MAP2K5: variants seen among roughly 807,000 people sequenced by gnomAD.
MAP2K5 encodes dual specificity mitogen-activated protein kinase kinase 5.
In MAP2K5, 49 loss-of-function variants were observed where a neutral mutation model predicts 83.1. That is an observed-to-expected ratio of 0.59 (90% confidence interval 0.47 to 0.75). The LOEUF (loss-of-function observed/expected upper bound fraction) is 0.75. MAP2K5 is among the 30% of genes least tolerant of loss of function. The pLI is 0.00. For synonymous variants in MAP2K5, 202 were observed against 191.8 expected, an observed-to-expected ratio of 1.05 and a Z score of -0.44; for missense variants, 457 against 557.5, an observed-to-expected ratio of 0.82 and a Z score of 1.82.
In MAP2K5 at chr15:67,677,879, C is replaced by A. The variant is rs1342339288; in HGVS notation, c.847+13234C>A. On this transcript the variant is annotated intron_variant, in intron 13 of 21. Transcript: ENST00000178640. This position sits in a 1 kb window ranked among gnomAD's most constrained non-coding sequence, Gnocchi z 4.2. ...GCCTTTATTGAAGAAGGAAAGGGCA[C>A]GTTTGTTGCCTCCATTCTGAACCGA... Among the ~76,000 whole-genome samples, 3 of 152,202 alleles carry A rather than the reference C, an allele frequency of 2.0e-5. No individual in the cohort carries two copies. The highest frequency in any genetic ancestry group is 4.4e-5 in the Non-Finnish European group (3 of 68,036).
At position 67,746,207 on chromosome 15, in the gene MAP2K5, A is replaced by G. The variant is rs779652993; in HGVS notation, c.1075-2024A>G. Among the ~76,000 whole-genome samples the G allele has an allele frequency of 1.3e-5, 2 of 152,166 alleles. No individual in the cohort carries two copies. Among genetic ancestry groups the G allele is most frequent in the Admixed American group, 1.3e-4 (2 of 15,280 alleles). On this transcript the variant is annotated intron_variant, in intron 17 of 21. Coordinates refer to ENST00000178640, the MANE Select transcript of MAP2K5 (RefSeq NM_145160.3). This position sits in a 1 kb window ranked among gnomAD's most constrained non-coding sequence, Gnocchi z 4.1. ...TCAGTTAATCTGATTCACACAACTC[A>G]TATGTTTCTGGGGACAGTGTTTCAT... is the stretch of plus-strand genomic sequence containing the variant.
intron 21 of MAP2K5, among the ~76,000 whole-genome samples, chr15:67,787,534 A>G (rs2090440766): frequency 6.6e-6 from 1 of 152,240 alleles, no homozygotes; most frequent in South Asian, 2.1e-4. Flanking sequence ...TAATGAGGTT[A>G]TGACCAAATG....
chr15:67,562,364 T>C lies in MAP2K5; in HGVS notation c.185-919T>C, dbSNP rs1157857514. On this transcript the variant is annotated intron_variant, in intron 2 of 21. Coordinates refer to ENST00000178640, the MANE Select transcript of MAP2K5 (RefSeq NM_145160.3). The surrounding 1 kb of genome is among the most constrained non-coding windows in gnomAD (Gnocchi z 4.1). ...CAACAATTTCATTTTGGGTTAAAAA[T>C]GAGATTTAATATTCTCACATAGTCT... Among the ~76,000 whole-genome samples, 1 of 152,230 alleles carries C rather than the reference T, an allele frequency of 6.6e-6. No homozygotes were observed. Among genetic ancestry groups the C allele is most frequent in the Non-Finnish European group, 1.5e-5 (1 of 68,030 alleles).
chr15:67,560,812 G>A (rs1431745563), intron 2 of MAP2K5, among the ~76,000 whole-genome samples: 1 of 152,198 alleles, frequency 6.6e-6, no homozygotes, highest in African/African-American at 2.4e-5. Context: ...TTTGGTTTAA[G>A]TAGCCTTAAA....
At chr15:67,726,205 T>C (rs2089093142) in intron 16 of MAP2K5, among the ~76,000 whole-genome samples, 1 of 152,200 alleles carries the variant, frequency 6.6e-6, no homozygotes, top group South Asian at 2.1e-4. Flanking sequence ...TATATACACA[T>C]ACACACAAGC....
Position 67,665,206 on chromosome 15 carries a change from T to G in MAP2K5, c.847+561T>G, listed in dbSNP as rs962430881. On this transcript the variant is annotated intron_variant, in intron 13 of 21. Transcript: ENST00000178640. The surrounding 1 kb of genome is among the most constrained non-coding windows in gnomAD (Gnocchi z 4.2). ...AAAAGTAAAACTTTAAATAAGTTAT[T>G]GGTGAAAGCATCAGGAATAGTCCCC... Among the ~76,000 whole-genome samples, 4 of 152,086 alleles carry G rather than the reference T, an allele frequency of 2.6e-5. No individual in the cohort carries two copies. Among genetic ancestry groups the G allele is most frequent in the Non-Finnish European group, 4.4e-5 (3 of 68,014 alleles).
Position 67,770,187 on chromosome 15 carries a change from A to G in MAP2K5, c.1196+524A>G, listed in dbSNP as rs1259155877. Among the ~76,000 whole-genome samples the G allele has an allele frequency of 6.6e-6, 1 of 152,198 alleles. No individual in the cohort carries two copies. The highest frequency in any genetic ancestry group is 2.1e-4 in the South Asian group (1 of 4,832). On this transcript the variant is annotated intron_variant, in intron 20 of 21. Transcript: ENST00000178640. The surrounding 1 kb of genome is among the most constrained non-coding windows in gnomAD (Gnocchi z 5.0). ...GAAGACTATGAAAACAGTTCAGCCC[A>G]CTTTAACCCTTAAAGAACTGAGAGG...
At chr15:67,646,068 A>G (rs977884776) in intron 9 of MAP2K5, among the ~76,000 whole-genome samples, 163 bp from the exon 10 acceptor site, 1 of 152,172 alleles carries the variant, frequency 6.6e-6, no homozygotes, top group Admixed American at 6.5e-5. Flanking sequence ...ACAAAAGGTT[A>G]GACAGATGCA....
At chr15:67,796,419 C>A (rs560491564) in intron 21 of MAP2K5, among the ~76,000 whole-genome samples, 3 of 152,172 alleles carry the variant, frequency 2.0e-5, no homozygotes, top group Non-Finnish European at 4.4e-5. Context: ...AGTTTAAAAT[C>A]ATGGCAGAAG....
At chr15:67,657,344 A>G (rs978414341) in intron 11 of MAP2K5, among the ~76,000 whole-genome samples, 2 of 152,008 alleles carry the variant, frequency 1.3e-5, no homozygotes, top group African/African-American at 4.8e-5. Context: ...TTCATAAGGG[A>G]TTGGTCCAGT....
rs1010518746 is a variant in MAP2K5, at chr15:67,722,390, A to T, written c.1045-5526A>T. 4.4e-4 allele frequency among the ~76,000 whole-genome samples: 66 copies of T among 150,212 alleles called. No homozygotes were observed. The highest frequency in any genetic ancestry group is 1.7e-3 in the Admixed American group (26 of 15,008). On this transcript the variant is annotated intron_variant, in intron 16 of 21. Transcript: ENST00000178640. This position sits in a 1 kb window ranked among gnomAD's most constrained non-coding sequence, Gnocchi z 4.2. Reference sequence around the variant, plus strand: ...TTGGTCCTGCATTACTAAATCCTCCACATTTAATTGAAACCCTACTTCAAG... The same window carrying T: ...TTGGTCCTGCATTACTAAATCCTCCTCATTTAATTGAAACCCTACTTCAAG...
At chr15:67,626,248 G>A (rs1459008007) in intron 8 of MAP2K5, among the ~76,000 whole-genome samples, 6 of 152,108 alleles carry the variant, frequency 3.9e-5, no homozygotes, top group African/African-American at 9.7e-5. Context: ...GGCCAAGTGT[G>A]GTGGCTCACA....
intron 7 of MAP2K5, among the ~76,000 whole-genome samples, chr15:67,597,393 T>C (rs778698011): frequency 1.3e-5 from 2 of 152,320 alleles, no homozygotes; most frequent in South Asian, 4.1e-4. Context: ...CCTCCATACT[T>C]AATACCGGAG....
intron 9 of MAP2K5, among the ~76,000 whole-genome samples, chr15:67,645,236 G>C (rs547914605): frequency 1.3e-5 from 2 of 152,076 alleles, no homozygotes; most frequent in African/African-American, 4.8e-5. Flanking sequence ...CCAGTGCTTT[G>C]GGAGGCTGAG....
chr15:67,596,737 T>C (rs62016160), intron 7 of MAP2K5, among the ~76,000 whole-genome samples: 2,399 of 152,278 alleles, frequency 0.016, 38 homozygotes, highest in African/African-American at 0.034. Context: ...GCCAGTCATT[T>C]CTCTAAGGTC....
Position 67,580,665 on chromosome 15 carries a change from A to G in MAP2K5, c.253-89A>G. On this transcript the variant is annotated intron_variant, in intron 3 of 21. Coordinates refer to ENST00000178640, the MANE Select transcript of MAP2K5 (RefSeq NM_145160.3). ...GCTGATATGTATATACCAGCAATTT[A>G]CAAAAGTACTGTGAATTAAACAACC... 3 of 828,422 alleles carry G rather than the reference A, an allele frequency of 3.6e-6. No homozygotes were observed. In the South Asian group the frequency reaches 4.0e-5, roughly 11 times the overall value. 51.3% of individuals were successfully genotyped at this position (828,422 alleles called of 1,614,324 possible).
chr15:67,751,534 C>A (rs1406169361), intron 19 of MAP2K5, among the ~76,000 whole-genome samples: 1 of 152,082 alleles, frequency 6.6e-6, no homozygotes, highest in Non-Finnish European at 1.5e-5. Flanking sequence ...AAGCCTTAGC[C>A]ATCTGATATC....
rs200627656 is a variant in MAP2K5, at chr15:67,756,515, C to CTGTGTGTGTGTG, written c.1134+7950_1134+7961dup. On this transcript the variant is annotated intron_variant, in intron 19 of 21. Transcript: ENST00000178640. ...ATATATCTAACCCCACACACAGTTA[C>CTGTGTGTGTGTG]TGTGTGTGTGTGTGTGTGTGTGTGT... Among the ~76,000 whole-genome samples the CTGTGTGTGTGTG allele has an allele frequency of 1.4e-3, 180 of 131,590 alleles. 2 individuals are homozygous for CTGTGTGTGTGTG. The highest frequency in any genetic ancestry group is 1.9e-3 in the African/African-American group (68 of 35,818). 86.3% of individuals were successfully genotyped at this position (131,590 alleles called of 152,430 possible).
At chr15:67,629,508 ACAG>A (rs1490082104) in intron 8 of MAP2K5, among the ~76,000 whole-genome samples, 3 of 152,208 alleles carry the variant, frequency 2.0e-5, no homozygotes, top group Admixed American at 6.5e-5. Context: ...TTTCTGCTAA[ACAG>A]CAGAAAATGA....
Sources: allele counts gnomAD v4.1 joint callset (sites outside exome capture counted in the v4.1 genomes callset), GRCh38; gene constraint gnomAD v4.1.1; non-coding constraint Gnocchi (gnomAD v3.1); transcripts MANE v1.5; gene names NCBI Gene and HGNC (gene_info 2026-07-23, HGNC 2026-07-21).